SLIT3: variants seen among roughly 807,000 people sequenced by gnomAD.
SLIT3 encodes slit guidance ligand 3.
Under a neutral mutation model 184.0 loss-of-function variants are expected in SLIT3, and 68 were observed. The observed-to-expected ratio is 0.37, with a 90% CI of 0.30 to 0.45. The LOEUF is 0.45. Among genes scored for constraint, SLIT3 ranks in the 20% least tolerant of loss-of-function variants. The pLI is 1.00. For synonymous variants in SLIT3, 831 were observed against 828.6 expected, an observed-to-expected ratio of 1.00 and a Z score of -0.05; for missense variants, 1,707 against 2,026.0, an observed-to-expected ratio of 0.84 and a Z score of 3.02.
chr5:168,725,897 A>G (rs1763094213), intron 20 of SLIT3, among the ~76,000 whole-genome samples: 1 of 152,254 alleles, frequency 6.6e-6, no homozygotes, highest in Non-Finnish European at 1.5e-5. Context: ...CTTTAAGGCC[A>G]CATTGGAACG....
intron 4 of SLIT3, chr5:169,023,968 A>C (rs1380008053): frequency 1.3e-5 from 2 of 152,196 alleles, no homozygotes; most frequent in Admixed American, 1.3e-4. Flanking sequence ...TGATTCTGCC[A>C]GCTGGTCATA....
chr5:169,052,678 C>T (rs949994364), intron 4 of SLIT3, among the ~76,000 whole-genome samples: 13 of 152,124 alleles, frequency 8.5e-5, no homozygotes, highest in Admixed American at 3.3e-4. Context: ...TGGCCTTGTC[C>T]CTGACAATGT....
intron 5 of SLIT3, among the ~76,000 whole-genome samples, chr5:168,874,518 A>G (rs546711127): frequency 4.3e-4 from 66 of 152,324 alleles, no homozygotes; most frequent in African/African-American, 1.6e-3. Context: ...TACAGGCTAT[A>G]GGAGGAGGAG....
At chr5:168,905,257 C>A (rs1395958312) in intron 4 of SLIT3, among the ~76,000 whole-genome samples, 2 of 152,174 alleles carry the variant, frequency 1.3e-5, no homozygotes, top group Admixed American at 6.5e-5. Flanking sequence ...AGAGCATAAT[C>A]CCTTTCTATC....
intron 4 of SLIT3, among the ~76,000 whole-genome samples, chr5:169,003,684 G>A (rs1581289533): frequency 6.6e-6 from 1 of 152,190 alleles, no homozygotes; most frequent in South Asian, 2.1e-4. Context: ...AATCAATTTG[G>A]GAGACTATAA....
intron 20 of SLIT3, among the ~76,000 whole-genome samples, chr5:168,742,556 ATG>A (rs1206261225): frequency 1.7e-5 from 2 of 117,600 alleles, no homozygotes; most frequent in African/African-American, 7.2e-5. Flanking sequence ...CTTCTACTCT[ATG>A]TGGGTAACTC....
At chr5:169,226,225 C>G (rs923882873) in intron 3 of SLIT3, among the ~76,000 whole-genome samples, 1 of 152,112 alleles carries the variant, frequency 6.6e-6, no homozygotes, top group Non-Finnish European at 1.5e-5. Context: ...AACCAGAGCT[C>G]TCAGGAAACT....
chr5:169,003,896 G>A (rs1755815274), intron 4 of SLIT3, among the ~76,000 whole-genome samples: 1 of 152,182 alleles, frequency 6.6e-6, no homozygotes, highest in African/African-American at 2.4e-5. Context: ...CTGGAAGTGG[G>A]GATGTGGGGA....
At chr5:168,927,738 T>G (rs992029730) in intron 4 of SLIT3, among the ~76,000 whole-genome samples, 8 of 152,240 alleles carry the variant, frequency 5.3e-5, no homozygotes, top group African/African-American at 1.9e-4. Context: ...ATGTAGCTTG[T>G]CAAAACTCAC....
intron 4 of SLIT3, among the ~76,000 whole-genome samples, chr5:169,013,642 G>A (rs1427636246): frequency 6.6e-6 from 1 of 152,182 alleles, no homozygotes; most frequent in Non-Finnish European, 1.5e-5. Context: ...GTTCTGAGAT[G>A]AAGGCTCATG....
At chr5:169,188,068 G>A (rs111942111) in intron 4 of SLIT3, among the ~76,000 whole-genome samples, 200 of 152,128 alleles carry the variant, frequency 1.3e-3, no homozygotes, top group Middle Eastern at 6.8e-3. Context: ...AGCGATCCCC[G>A]CACCTCAGCC....
At chr5:168,933,777 T>A (rs1281553659) in intron 4 of SLIT3, among the ~76,000 whole-genome samples, 4 of 152,036 alleles carry the variant, frequency 2.6e-5, no homozygotes, top group Non-Finnish European at 5.9e-5. Flanking sequence ...CAAAGGCCAA[T>A]GGGAGAGTTT....
At chr5:169,197,918 C>T (rs189792066) in intron 3 of SLIT3, among the ~76,000 whole-genome samples, 251 of 152,234 alleles carry the variant, frequency 1.6e-3, no homozygotes, top group African/African-American at 5.9e-3. Context: ...CCACTAAAGG[C>T]CTTTCTAGAT....
At chr5:169,297,794 T>C (rs1481530840) in intron 1 of SLIT3, among the ~76,000 whole-genome samples, 5 of 152,194 alleles carry the variant, frequency 3.3e-5, no homozygotes, top group African/African-American at 1.2e-4. Flanking sequence ...TGGAATGCAG[T>C]AGAGGTTCAA....
At chr5:168,981,225 C>G (rs1308693601) in intron 4 of SLIT3, among the ~76,000 whole-genome samples, 1 of 152,074 alleles carries the variant, frequency 6.6e-6, no homozygotes. Flanking sequence ...TAATTTGGAC[C>G]ACGTGTCAGT....
At chr5:168,936,524 C>T (rs765413004) in intron 4 of SLIT3, among the ~76,000 whole-genome samples, 6 of 152,136 alleles carry the variant, frequency 3.9e-5, no homozygotes, top group South Asian at 2.1e-4. Context: ...TGAGCCACCG[C>T]GCCTGGTAGC....
rs573250187 is a variant in SLIT3 at position 168,936,525 on chromosome 5, G to A, written c.414-53189C>T. ...TGGGATTACAGGCGTGAGCCACCGC[G>A]CCTGGTAGCTTTTCCTCTTAGAGCA... On this transcript the variant is annotated intron_variant, in intron 4 of 35. Transcript: ENST00000519560. Among the ~76,000 whole-genome samples, 24 of 152,258 alleles carry A rather than the reference G, an allele frequency of 1.6e-4. No homozygotes were observed. In the South Asian group the frequency reaches 3.9e-3, roughly 25 times the overall value.
At chr5:169,234,542 T>C in intron 3 of SLIT3, among the ~76,000 whole-genome samples, 1 of 152,224 alleles carries the variant, frequency 6.6e-6, no homozygotes, top group Non-Finnish European at 1.5e-5. Flanking sequence ...TAGCTGGGAC[T>C]ACAGGCGTGT....
intron 4 of SLIT3, among the ~76,000 whole-genome samples, chr5:169,114,983 G>C (rs1760600733): frequency 6.6e-6 from 1 of 152,180 alleles, no homozygotes; most frequent in African/African-American, 2.4e-5. Flanking sequence ...AAGGAGGTGT[G>C]CTAATCTGCC....
Sources: allele counts gnomAD v4.1 joint callset (sites outside exome capture counted in the v4.1 genomes callset), GRCh38; gene constraint gnomAD v4.1.1; transcripts MANE v1.5; gene names NCBI Gene and HGNC (gene_info 2026-07-23, HGNC 2026-07-21).